RALYL: variants seen among roughly 807,000 people sequenced by gnomAD.
RALYL encodes RNA-binding Raly-like protein.
Under a neutral mutation model 35.1 loss-of-function variants are expected in RALYL, and 29 were observed. That is an observed-to-expected ratio of 0.83 (90% CI 0.61 to 1.13). The LOEUF (loss-of-function observed/expected upper bound fraction) is 1.13. Ranked by LOEUF, RALYL falls within the 50% of genes most tolerant of loss-of-function variation. The pLI is 0.00. For synonymous variants in RALYL, 120 were observed against 127.6 expected (o/e 0.94, Z 0.40); for missense variants, 359 against 360.4 (o/e 1.00, Z 0.03).
At chr8:84,305,819 G>C (rs1469109329) in intron 1 of RALYL, among the ~76,000 whole-genome samples, 5 of 152,108 alleles carry the variant, frequency 3.3e-5, no homozygotes, top group African/African-American at 9.7e-5. Context: ...TTAGAAAATT[G>C]AAGGTAAAAT....
At chr8:84,704,904 A>T (rs1404731838) in intron 2 of RALYL, among the ~76,000 whole-genome samples, 1 of 152,224 alleles carries the variant, frequency 6.6e-6, no homozygotes, top group East Asian at 1.9e-4. Context: ...ATTTGTTCAC[A>T]CTTAAAAAAG....
chr8:84,544,736 A>G (rs1320979464), intron 2 of RALYL, among the ~76,000 whole-genome samples: 3 of 152,070 alleles, frequency 2.0e-5, no homozygotes, highest in African/African-American at 7.2e-5. Context: ...ACTATCTATC[A>G]TATTATTCAA....
At chr8:84,682,352 C>G (rs1279253519) in intron 2 of RALYL, among the ~76,000 whole-genome samples, 1 of 152,142 alleles carries the variant, frequency 6.6e-6, no homozygotes. Context: ...ATGCTGGCCT[C>G]ATAAAATGAG....
intron 7 of RALYL, among the ~76,000 whole-genome samples, chr8:84,883,788 G>A (rs1391896183): frequency 6.6e-6 from 1 of 152,000 alleles, no homozygotes; most frequent in Admixed American, 6.6e-5. Context: ...ATGATCAGTA[G>A]GGGCGAATAA....
chr8:84,650,785 C>T (rs1828604606), intron 2 of RALYL, among the ~76,000 whole-genome samples: 2 of 151,886 alleles, frequency 1.3e-5, no homozygotes, highest in African/African-American at 2.4e-5. Flanking sequence ...ATGTTTATTG[C>T]AGCACTATTC....
chr8:84,718,925 T>C (rs1353777284), intron 2 of RALYL, among the ~76,000 whole-genome samples: 1 of 152,150 alleles, frequency 6.6e-6, no homozygotes, highest in Non-Finnish European at 1.5e-5. Context: ...AAATTCTTTC[T>C]GTTCTCTGAA....
intron 5 of RALYL, among the ~76,000 whole-genome samples, chr8:84,854,106 G>A (rs1836456877): frequency 6.6e-6 from 1 of 152,136 alleles, no homozygotes; most frequent in African/African-American, 2.4e-5. Flanking sequence ...AGCACTTTGG[G>A]AGGCCGAGGC....
intron 2 of RALYL, among the ~76,000 whole-genome samples, chr8:84,662,176 G>A (rs1831069833): frequency 6.6e-6 from 1 of 151,914 alleles, no homozygotes; most frequent in East Asian, 1.9e-4. Context: ...GTATTTCAGT[G>A]GACTCTTACG....
At chr8:84,879,306 G>T (rs958065784) in intron 7 of RALYL, among the ~76,000 whole-genome samples, 7 of 152,050 alleles carry the variant, frequency 4.6e-5, no homozygotes, top group African/African-American at 1.4e-4. Context: ...AGCACATAGA[G>T]AACGAATTTT....
intron 2 of RALYL, among the ~76,000 whole-genome samples, chr8:84,657,475 G>A (rs1397315161): frequency 3.3e-5 from 5 of 152,184 alleles, no homozygotes; most frequent in Non-Finnish European, 4.4e-5. Flanking sequence ...CTGACAGAAA[G>A]CACTCATGTG....
chr8:84,884,182 T>A (rs2135390821), intron 7 of RALYL, among the ~76,000 whole-genome samples: 1 of 152,096 alleles, frequency 6.6e-6, no homozygotes, highest in African/African-American at 2.4e-5. Context: ...CCTTTTTGAG[T>A]GTGACAACGA....
chr8:84,767,505 C>T (rs1388245033), intron 2 of RALYL, among the ~76,000 whole-genome samples: 1 of 152,070 alleles, frequency 6.6e-6, no homozygotes, highest in Non-Finnish European at 1.5e-5. Context: ...TTTTTTCATG[C>T]TAACTTGAAA....
intron 4 of RALYL, among the ~76,000 whole-genome samples, chr8:84,825,911 A>C (rs1015782496): frequency 6.6e-6 from 1 of 152,160 alleles, no homozygotes; most frequent in African/African-American, 2.4e-5. Context: ...CTAAATGTCC[A>C]TCAATAGTGG....
At chr8:84,522,503 C>T (rs2058542127) in intron 1 of RALYL, among the ~76,000 whole-genome samples, 1 of 152,090 alleles carries the variant, frequency 6.6e-6, no homozygotes, top group Admixed American at 6.6e-5. Context: ...CCCGCCTCGG[C>T]CTCCCAAAGT....
At chr8:84,914,283 C>T (rs1848069836) in intron 8 of RALYL, among the ~76,000 whole-genome samples, 1 of 151,930 alleles carries the variant, frequency 6.6e-6, no homozygotes, top group Non-Finnish European at 1.5e-5. Context: ...ATTTAGAGTA[C>T]TATCCTAAAA....
intron 1 of RALYL, among the ~76,000 whole-genome samples, chr8:84,397,603 C>T (rs899216671): frequency 6.6e-6 from 1 of 152,176 alleles, no homozygotes; most frequent in African/African-American, 2.4e-5. Context: ...AGAACCACCA[C>T]ATTTATTGAT....
At chr8:84,681,681 A>G (rs1441296247) in intron 2 of RALYL, among the ~76,000 whole-genome samples, 1 of 152,152 alleles carries the variant, frequency 6.6e-6, no homozygotes, top group African/African-American at 2.4e-5. Flanking sequence ...ATTTTTGCAC[A>G]TTGATTTTGT....
intron 1 of RALYL, among the ~76,000 whole-genome samples, chr8:84,429,401 G>T (rs568873580): frequency 2.0e-5 from 3 of 152,060 alleles, no homozygotes; most frequent in Non-Finnish European, 2.9e-5. Flanking sequence ...TTTGATCTTC[G>T]TTCCTTTGTT....
At chr8:84,383,044 G>A (rs1858355712) in intron 1 of RALYL, among the ~76,000 whole-genome samples, 2 of 151,708 alleles carry the variant, frequency 1.3e-5, no homozygotes, top group African/African-American at 4.8e-5. Flanking sequence ...GCCTGATTGA[G>A]ATGAATAAGT....
Sources: allele counts gnomAD v4.1 joint callset (sites outside exome capture counted in the v4.1 genomes callset), GRCh38; gene constraint gnomAD v4.1.1; transcripts MANE v1.5; gene names NCBI Gene and HGNC (gene_info 2026-07-23, HGNC 2026-07-21).